Variants in FRMD6 observed in about 807,000 individuals in gnomAD.
FRMD6 encodes FERM domain containing 6.
A neutral mutation model predicts 73.2 loss-of-function variants in FRMD6; 37 were observed. That is an observed-to-expected ratio of 0.51 (90% CI 0.39 to 0.66). The LOEUF is 0.66. Among genes scored for constraint, FRMD6 ranks in the 30% least tolerant of loss-of-function variants. FRMD6 has a pLI of 0.00. For missense variants in FRMD6, 714 were observed against 780.5 expected (o/e 0.91, Z 1.02); for synonymous variants, 273 against 282.2 (o/e 0.97, Z 0.33).
chr14:51,519,933 C>T lies in FRMD6; in HGVS notation c.-210+30513C>T, dbSNP rs573166304. 3.9e-5 allele frequency among the ~76,000 whole-genome samples: 6 copies of T among 152,284 alleles called. 1 individual carries two copies. The South Asian group carries it at 1.2e-3, about 32-fold the overall frequency. ...AATTTTAAGAGACATTCACTCCACG[C>T]ATTAGCAAACCTTGTTTGTATATGG... is the stretch of plus-strand genomic sequence containing the variant. On this transcript the variant is annotated intron_variant, in intron 1 of 14. Coordinates refer to the FRMD6 transcript ENST00000356218.
chr14:51,528,575 A>T (rs1457811567), intron 1 of FRMD6, among the ~76,000 whole-genome samples: 3 of 152,020 alleles, frequency 2.0e-5, no homozygotes, highest in Non-Finnish European at 4.4e-5. Flanking sequence ...GCTACAACCA[A>T]TGGTTTTACT....
At chr14:51,645,623 T>C (rs1234100987) in intron 2 of FRMD6, among the ~76,000 whole-genome samples, 1 of 152,042 alleles carries the variant, frequency 6.6e-6, no homozygotes, top group African/African-American at 2.4e-5. Flanking sequence ...TTTTTATTTT[T>C]TATTTTTATA....
chr14:51,555,985 C>A (rs994744942), intron 1 of FRMD6, among the ~76,000 whole-genome samples: 8 of 152,158 alleles, frequency 5.3e-5, no homozygotes, highest in African/African-American at 1.7e-4. Flanking sequence ...TTTATAATCA[C>A]CTTTTGCCTT....
At chr14:51,571,325 GC>G (rs1284145969) in intron 2 of FRMD6, among the ~76,000 whole-genome samples, 1 of 152,228 alleles carries the variant, frequency 6.6e-6, no homozygotes, top group African/African-American at 2.4e-5. Context: ...GCTGCAGTGT[GC>G]CTCTGAAGCC....
chr14:51,534,211 G>T (rs1417509712), intron 1 of FRMD6, among the ~76,000 whole-genome samples: 8 of 152,170 alleles, frequency 5.3e-5, no homozygotes, highest in Non-Finnish European at 8.8e-5. Context: ...CTACTAACTG[G>T]TTATGTTTTC....
At chr14:51,705,528 A>G (rs1430804255) in intron 6 of FRMD6, among the ~76,000 whole-genome samples, 1 of 152,020 alleles carries the variant, frequency 6.6e-6, no homozygotes, top group Non-Finnish European at 1.5e-5. Flanking sequence ...CCCTCCCCAA[A>G]GTAACTCTTC....
chr14:51,517,568 C>T (rs186690724), intron 1 of FRMD6, among the ~76,000 whole-genome samples: 8 of 152,160 alleles, frequency 5.3e-5, no homozygotes, highest in Non-Finnish European at 1.2e-4. Flanking sequence ...AGAATAGAGT[C>T]TCAAGTTCTG....
intron 1 of FRMD6, among the ~76,000 whole-genome samples, chr14:51,559,146 G>A (rs1374409188): frequency 1.3e-5 from 2 of 152,052 alleles, no homozygotes; most frequent in Admixed American, 6.6e-5. Context: ...AACATACCCC[G>A]GCAAATAGGC....
chr14:51,638,376 C>A (rs949104561), intron 2 of FRMD6, among the ~76,000 whole-genome samples: 1 of 152,182 alleles, frequency 6.6e-6, no homozygotes, highest in Non-Finnish European at 1.5e-5. Context: ...CAAACAGTAA[C>A]TCTGTCCCTA....
chr14:51,443,790 T>G, the FRMD6 span, among the ~76,000 whole-genome samples: 1 of 152,294 alleles, frequency 6.6e-6, no homozygotes, highest in South Asian at 2.1e-4. Flanking sequence ...GGACATTGTT[T>G]CCTGAGCATT....
At chr14:51,716,182 C>G (rs1187097761) in intron 10 of FRMD6, among the ~76,000 whole-genome samples, 3 of 152,128 alleles carry the variant, frequency 2.0e-5, no homozygotes. Flanking sequence ...CATCCGACTT[C>G]AACTTTACAT....
chr14:51,602,013 G>A (rs1304067194), intron 2 of FRMD6, among the ~76,000 whole-genome samples: 1 of 152,088 alleles, frequency 6.6e-6, no homozygotes, highest in Non-Finnish European at 1.5e-5. Context: ...ATGAAGAGCT[G>A]GGTATCCAGC....
At chr14:51,426,647 G>C in the FRMD6 span, among the ~76,000 whole-genome samples, 1 of 152,202 alleles carries the variant, frequency 6.6e-6, no homozygotes, top group Non-Finnish European at 1.5e-5. Context: ...GCTACACTAA[G>C]TAGGATAAGA....
At chr14:51,598,764 A>G (rs1433875863) in intron 2 of FRMD6, among the ~76,000 whole-genome samples, 2 of 152,206 alleles carry the variant, frequency 1.3e-5, no homozygotes, top group Non-Finnish European at 2.9e-5. Flanking sequence ...TCCATGGTGT[A>G]TATATAACAC....
At chr14:51,553,955 G>A (rs561373652) in intron 1 of FRMD6, among the ~76,000 whole-genome samples, 8 of 152,232 alleles carry the variant, frequency 5.3e-5, no homozygotes, top group African/African-American at 1.7e-4. Context: ...GTGCCCAGGT[G>A]TTGATTTCCA....
At chr14:51,620,646 T>C (rs1890891975) in intron 2 of FRMD6, among the ~76,000 whole-genome samples, 1 of 152,102 alleles carries the variant, frequency 6.6e-6, no homozygotes, top group Non-Finnish European at 1.5e-5. Flanking sequence ...TCCCAAGAAG[T>C]CTTGTCCACT....
At chr14:51,690,144 A>G (rs116451737) in intron 2 of FRMD6, among the ~76,000 whole-genome samples, 85 of 152,326 alleles carry the variant, frequency 5.6e-4, no homozygotes, top group Middle Eastern at 3.4e-3. Flanking sequence ...CTGGGTTAGA[A>G]TTAGAGGACT....
chr14:51,709,253 C>G (rs139380556), intron 7 of FRMD6, among the ~76,000 whole-genome samples: 11 of 152,134 alleles, frequency 7.2e-5, no homozygotes, highest in Non-Finnish European at 1.3e-4. Context: ...CTTACTTAAC[C>G]GCTCTGTACT....
rs759560402 is a variant in FRMD6 at position 51,708,145 on chromosome 14, C to T, written c.626C>T (p.Ala209Val). 2 of 1,613,266 alleles carry T rather than the reference C, an allele frequency of 1.2e-6. No homozygotes were observed. The highest frequency in any genetic ancestry group is 1.7e-5 in the Admixed American group (1 of 59,942). Reference sequence around the variant, plus strand: ...CCAAACATGCACAAAGATCAGTTTGCACTAACAGCTTCCGAAGCTCATCTT... The same window carrying T: ...CCAAACATGCACAAAGATCAGTTTGTACTAACAGCTTCCGAAGCTCATCTT... ...HIPNMHKDQF[A>V]LTASEAHLKY... The change falls in exon 7 of 14, where the codon GCA becomes GTA. Residue 209 changes from alanine to valine, a missense_variant. Coordinates refer to ENST00000344768, the MANE Select transcript of FRMD6 (RefSeq NM_001267046.2).
Sources: gnomAD v4.1 joint callset for allele counts (sites outside exome capture counted in the v4.1 genomes callset) on GRCh38, gnomAD v4.1.1 for gene constraint, MANE v1.5 for transcripts, NCBI Gene and HGNC (gene_info 2026-07-23, HGNC 2026-07-21) for gene names.